The following MAP2 variants were observed in gnomAD, a reference collection of about 807,000 sequenced individuals.
MAP2 encodes the protein microtubule associated protein 2, also known as microtubule-associated protein 2.
Under a neutral mutation model 137.6 loss-of-function variants are expected in MAP2, and 14 were observed. The observed-to-expected ratio is 0.10, with a 90% CI of 0.07 to 0.16. The LOEUF (loss-of-function observed/expected upper bound fraction) is 0.16. Ranked by LOEUF, MAP2 falls within the 10% of genes least tolerant of loss-of-function variation. The probability of loss-of-function intolerance (pLI) is 1.00; values close to 1 mark genes in which losing one functional copy is unlikely to be tolerated. For missense variants in MAP2, 2,088 were observed against 2,191.5 expected, an observed-to-expected ratio of 0.95 and a Z score of 0.94; for synonymous variants, 786 against 782.3, an observed-to-expected ratio of 1.00 and a Z score of -0.08.
At chr2:209,532,989 CT>C (rs750929048) in intron 2 of MAP2, among the ~76,000 whole-genome samples, 36 of 152,076 alleles carry the variant, frequency 2.4e-4, no homozygotes, top group Non-Finnish European at 4.7e-4. Flanking sequence ...CAGACCTTTT[CT>C]TTTTTCTTCA....
chr2:209,558,008 G>A (rs1424556577), intron 2 of MAP2, among the ~76,000 whole-genome samples: 1 of 152,078 alleles, frequency 6.6e-6, no homozygotes, highest in Non-Finnish European at 1.5e-5. Flanking sequence ...TAATTTTAAA[G>A]CTACAGAACA....
At chr2:209,682,427 G>T (rs2055040811) in intron 7 of MAP2, among the ~76,000 whole-genome samples, 1 of 152,094 alleles carries the variant, frequency 6.6e-6, no homozygotes, top group African/African-American at 2.4e-5. Context: ...GAAGGCGGAG[G>T]TTGCAGCGAG....
rs79390158 is a variant in MAP2 at position 209,476,225 on chromosome 2, A to C, written c.-221-31367A>C. ...GGAAATGAGAGTTCTGTCCATCTCA[A>C]AGTGATAGCAGTCACTTGGAAAGAA... On this transcript the variant is annotated intron_variant, in intron 1 of 15. Transcript: ENST00000682079. Among the ~76,000 whole-genome samples, 905 of 152,206 alleles carry C rather than the reference A, an allele frequency of 5.9e-3. 8 individuals are homozygous for C. Among genetic ancestry groups the C allele is most frequent in the African/African-American group, 0.021 (881 of 41,540 alleles).
chr2:209,502,695 A>G (rs2060525941), intron 1 of MAP2, among the ~76,000 whole-genome samples: 1 of 152,152 alleles, frequency 6.6e-6, no homozygotes, highest in Admixed American at 6.5e-5. Context: ...ACCAATTTAC[A>G]TTCCCATCAA....
chr2:209,637,590 A>T (rs2093671305), intron 4 of MAP2, among the ~76,000 whole-genome samples: 1 of 152,152 alleles, frequency 6.6e-6, no homozygotes, highest in Non-Finnish European at 1.5e-5. Flanking sequence ...CGATCAGTCC[A>T]CAGTGGCCCT....
intron 3 of MAP2, among the ~76,000 whole-genome samples, chr2:209,591,625 A>C (rs1041607818): frequency 6.6e-6 from 1 of 152,218 alleles, no homozygotes; most frequent in Non-Finnish European, 1.5e-5. Flanking sequence ...AGAGGACCAA[A>C]AGAAAATGAA....
At chr2:209,674,998 T>C (rs189069224) in intron 5 of MAP2, among the ~76,000 whole-genome samples, 5 of 151,968 alleles carry the variant, frequency 3.3e-5, no homozygotes, top group Middle Eastern at 3.4e-3. Flanking sequence ...TTTAAATTAA[T>C]TGGACCAGTT....
intron 2 of MAP2, among the ~76,000 whole-genome samples, chr2:209,529,449 G>T (rs2064754154): frequency 6.6e-6 from 1 of 152,054 alleles, no homozygotes; most frequent in Non-Finnish European, 1.5e-5. Context: ...AACATTGCTG[G>T]GTGTAAGTGA....
At chr2:209,670,657 T>C (rs2048405227) in intron 5 of MAP2, among the ~76,000 whole-genome samples, 2 of 151,814 alleles carry the variant, frequency 1.3e-5, no homozygotes, top group Non-Finnish European at 1.5e-5. Flanking sequence ...TTTGAGCATG[T>C]ACGTGGAGGT....
Position 209,541,567 on chromosome 2 carries a change from T to G in MAP2, c.-172+33926T>G, listed in dbSNP as rs1249464921. Among the ~76,000 whole-genome samples, 2 of 151,788 alleles carry G rather than the reference T, an allele frequency of 1.3e-5. 1 individual carries two copies. Among genetic ancestry groups the G allele is most frequent in the African/African-American group, 4.9e-5 (2 of 41,038 alleles). On this transcript the variant is annotated intron_variant, in intron 2 of 15. Coordinates refer to ENST00000682079, the MANE Select transcript of MAP2 (RefSeq NM_001375505.1). Reference sequence around the variant, plus strand: ...AGCATTTCAACCACAGAACGTCAAATTTGGAGTCAATCCACTCAAACCTTG... The same window carrying G: ...AGCATTTCAACCACAGAACGTCAAAGTTGGAGTCAATCCACTCAAACCTTG...
At chr2:209,488,581 G>C (rs1176092522) in intron 1 of MAP2, among the ~76,000 whole-genome samples, 1 of 152,126 alleles carries the variant, frequency 6.6e-6, no homozygotes, top group African/African-American at 2.4e-5. Context: ...AATCAACCTG[G>C]GATGCTCGAG....
At chr2:209,690,816 C>G (rs1356377061) in intron 7 of MAP2, 24 of 1,286,452 alleles carry the variant, frequency 1.9e-5, no homozygotes, top group Non-Finnish European at 2.3e-5. Flanking sequence ...GAGGTGTCTC[C>G]AGAAGTAAAA....
At chr2:209,625,837 A>T (rs1006288946) in intron 4 of MAP2, among the ~76,000 whole-genome samples, 3 of 152,202 alleles carry the variant, frequency 2.0e-5, no homozygotes, top group Non-Finnish European at 4.4e-5. Flanking sequence ...TGCATGAGTA[A>T]ATAAAGGAAT....
chr2:209,457,021 T>A (rs934879534), intron 1 of MAP2, among the ~76,000 whole-genome samples: 36 of 152,164 alleles, frequency 2.4e-4, no homozygotes, highest in African/African-American at 8.4e-4. Flanking sequence ...ATTAGGTGGA[T>A]CACTTTAAGG....
At chr2:209,679,008 A>G (rs978209793) in intron 6 of MAP2, among the ~76,000 whole-genome samples, 5 of 152,098 alleles carry the variant, frequency 3.3e-5, no homozygotes, top group African/African-American at 1.2e-4. Context: ...ACCTCCACCC[A>G]TAAGGATAAT....
At chr2:209,470,674 A>G (rs751055467) in intron 1 of MAP2, among the ~76,000 whole-genome samples, 4 of 152,058 alleles carry the variant, frequency 2.6e-5, no homozygotes, top group Non-Finnish European at 5.9e-5. Context: ...TGTCTCCATC[A>G]TAGCTCCCAT....
intron 7 of MAP2, among the ~76,000 whole-genome samples, chr2:209,682,156 G>A (rs2054872307): frequency 2.0e-5 from 3 of 152,072 alleles, no homozygotes; most frequent in Admixed American, 1.3e-4. Context: ...AGTCTTCCAG[G>A]TACTCTTCAA....
At chr2:209,553,135 C>T (rs184527555) in intron 2 of MAP2, among the ~76,000 whole-genome samples, 72 of 151,780 alleles carry the variant, frequency 4.7e-4, no homozygotes, top group Admixed American at 7.2e-4. Flanking sequence ...CCTCAGCCTC[C>T]GGAGTAGCTC....
chr2:209,511,525 A>T (rs1003448065), intron 2 of MAP2, among the ~76,000 whole-genome samples: 3 of 152,276 alleles, frequency 2.0e-5, no homozygotes, highest in Middle Eastern at 3.4e-3. Flanking sequence ...TTGAAATTAG[A>T]TTAATTCATG....
Sources: allele counts gnomAD v4.1 joint callset (sites outside exome capture counted in the v4.1 genomes callset), GRCh38; gene constraint gnomAD v4.1.1; transcripts MANE v1.5; gene names NCBI Gene and HGNC (gene_info 2026-07-23, HGNC 2026-07-21).